AKAP4: variants seen among roughly 807,000 people sequenced by gnomAD.
AKAP4 encodes the protein A-kinase anchor protein 4.
In AKAP4, 4 loss-of-function variants were observed where a neutral mutation model predicts 42.6. The observed-to-expected ratio is 0.09, with a 90% CI of 0.05 to 0.22. The LOEUF is 0.22. AKAP4 is among the 10% of genes least tolerant of loss of function. AKAP4 has a pLI of 1.00. For synonymous variants in AKAP4, 223 were observed against 233.0 expected (o/e 0.96, Z 0.39); for missense variants, 551 against 630.7 (o/e 0.87, Z 1.35).
At chrX:50,194,715 C>T (rs1161206535) in intron 4 of AKAP4, among the ~76,000 whole-genome samples, 2 of 110,435 alleles carry the variant, frequency 1.8e-5, no homozygotes, top group Middle Eastern at 4.2e-3. Flanking sequence ...GTCAGTGTGT[C>T]TGTTGTGTGT....
At position 50,198,819 on chromosome X, in the gene AKAP4, A is replaced by G. The variant is rs1319264744; in HGVS notation, c.28-67T>C. 132 of 868,452 alleles carry G rather than the reference A, an allele frequency of 1.5e-4. 1 individual carries two copies. Among genetic ancestry groups the G allele is most frequent in the Non-Finnish European group, 1.1e-4 (69 of 610,274 alleles). The allele number at this position is 868,452 out of a possible 1,213,427, so 71.6% of individuals were successfully genotyped here. On this transcript the variant is annotated intron_variant, in intron 1 of 5. Transcript: ENST00000358526. ...GTTTTTGGAAACCGGGTCAATTTGG[A>G]TAAGAATCTCTGGAGGGGTTCTGAA...
At chrX:50,197,788 T>A (rs1557204509) in intron 2 of AKAP4, among the ~76,000 whole-genome samples, 194 bp from the exon 3 acceptor site, 2 of 111,876 alleles carry the variant, frequency 1.8e-5, no homozygotes, top group Non-Finnish European at 3.8e-5. Flanking sequence ...CTGTGATTAT[T>A]GTTAGGCAGA....
chrX:50,198,022 A>T (rs1207118842), intron 2 of AKAP4, among the ~76,000 whole-genome samples: 7 of 111,624 alleles, frequency 6.3e-5, no homozygotes, highest in Non-Finnish European at 1.3e-4. Flanking sequence ...AATTTATTTT[A>T]TTATCAATAA....
At position 50,200,875 on chromosome X, in the gene AKAP4, A is replaced by G. The variant is rs1557204799; in HGVS notation, c.15T>C (p.Ser5=). 2 of 1,208,562 alleles carry G rather than the reference A, an allele frequency of 1.7e-6. No homozygotes were observed. The change falls in exon 1 of 6, where the codon TCT becomes TCC. Residue 5 remains serine, a synonymous_variant. Transcript: ENST00000358526. MMAY[S]DTTMMSDDID... ...CAGATGTCCCTACCATTGTAGTATCAGAGTACGCCATCATGTAGGACCCTG... is the reference window on the plus strand; with the variant it reads ...CAGATGTCCCTACCATTGTAGTATCGGAGTACGCCATCATGTAGGACCCTG...
At chrX:50,196,752 T>C in intron 4 of AKAP4, 139 bp downstream of exon 4, 2 of 449,699 alleles carry the variant, frequency 4.4e-6, no homozygotes, top group Non-Finnish European at 7.7e-6. Flanking sequence ...CTTACGCCTG[T>C]GTTCTCTAGA....
At position 50,197,586 on chromosome X, in the gene AKAP4, A is replaced by G. The variant is rs1000664603; in HGVS notation, c.132T>C (p.Phe44=). Reference sequence around the variant, plus strand: ...CTACATTCAGGGTGGACACATCGACAAAGCATATCTGCATCAAATTAGAAG... The same window carrying G: ...CTACATTCAGGGTGGACACATCGACGAAGCATATCTGCATCAAATTAGAAG... ...QQDQDRKVIC[F]VDVSTLNVED... The change falls in exon 3 of 6, where the codon TTT becomes TTC. Residue 44 remains phenylalanine (F), a synonymous_variant. Transcript: ENST00000358526. 4 of 1,205,410 alleles carry G rather than the reference A, an allele frequency of 3.3e-6. No individual in the cohort carries two copies. Among genetic ancestry groups the G allele is most frequent in the Non-Finnish European group, 4.5e-6 (4 of 890,643 alleles).
intron 5 of AKAP4, among the ~76,000 whole-genome samples, chrX:50,191,949 G>C (rs1267761345): frequency 9.0e-6 from 1 of 111,288 alleles, no homozygotes; most frequent in East Asian, 2.8e-4. Flanking sequence ...AGGTAGGGAA[G>C]AACTCCATTT....
At position 50,194,443 on chromosome X, in the gene AKAP4, AAAG is replaced by A. The variant is rs1265446721; in HGVS notation, c.277-10_277-8del. 18 of 1,172,684 alleles carry A rather than the reference AAAG, an allele frequency of 1.5e-5. No homozygotes were observed. Among genetic ancestry groups the A allele is most frequent in the South Asian group, 1.5e-4 (8 of 52,197 alleles). ...GGCATACAGATCCCTCTGTCTAAAA[AAAG>A]AAGAAGACCTATCCATAAGAGTTTG... On this transcript the variant is annotated splice_polypyrimidine_tract_variant and splice_region_variant and intron_variant, in intron 4 of 5. Transcript: ENST00000358526.
Position 50,191,052 on chromosome X carries a change from C to T in AKAP4, c.2473G>A (p.Val825Ile), listed in dbSNP as rs1228794652. ...GYSVGGLLQE[V>I]MKFAKERQPD... ...TGCCGTTCCTTGGCAAACTTCATGA[C>T]CTCTTGAAGAAGACCTCCTACACTG... Residue 825 changes from valine (V) to isoleucine (I), a missense_variant, in exon 6 of 6, where the codon GTC (valine) becomes ATC (isoleucine). By Grantham distance (29) the Val-to-Ile change is conservative. Coordinates refer to ENST00000358526, the MANE Select transcript of AKAP4 (RefSeq NM_003886.3). 1.7e-6 allele frequency: 2 copies of T among 1,208,865 alleles called. No individual in the cohort carries two copies. Among genetic ancestry groups the T allele is most frequent in the African/African-American group, 3.5e-5 (2 of 56,920 alleles).
At position 50,198,788 on chromosome X, in the gene AKAP4, T is replaced by A. The variant is rs782695263; in HGVS notation, c.28-36A>T. 5.8e-4 allele frequency: 638 copies of A among 1,097,109 alleles called. 2 individuals carry two copies. Among genetic ancestry groups the A allele is most frequent in the Non-Finnish European group, 7.5e-4 (608 of 806,045 alleles). 90.4% of individuals were successfully genotyped at this position (1,097,109 alleles called of 1,213,427 possible). A position where few individuals can be genotyped will look rare whatever the true frequency, so the allele number is the denominator to read the frequency against. On this transcript the variant is annotated intron_variant, in intron 1 of 5. Coordinates refer to ENST00000358526, the MANE Select transcript of AKAP4 (RefSeq NM_003886.3). ...AAAGAAAAGAAAGCTGAAATGCTTA[T>A]ATATGGTTTTTGGAAACCGGGTCAA... is the stretch of plus-strand genomic sequence containing the variant.
chrX:50,198,503 G>C (rs1158302816), intron 2 of AKAP4, among the ~76,000 whole-genome samples, 154 bp downstream of exon 2: 1 of 110,580 alleles, frequency 9.0e-6, no homozygotes, highest in Non-Finnish European at 1.9e-5. Context: ...TCTGTGTGAT[G>C]TATGAGCATG....
chrX:50,198,437 C>T (rs2146964398), intron 2 of AKAP4, among the ~76,000 whole-genome samples: 1 of 110,233 alleles, frequency 9.1e-6, no homozygotes, highest in East Asian at 2.9e-4. Flanking sequence ...TCCCCAGCCT[C>T]CCCTCCCCAG....
Position 50,192,553 on chromosome X carries a change from G to A in AKAP4, c.2160C>T (p.Ala720=). The A allele has an allele frequency of 1.7e-6, 2 of 1,211,594 alleles. No homozygotes were observed. Among genetic ancestry groups the A allele is most frequent in the Non-Finnish European group, 1.1e-6 (1 of 895,494 alleles). The stretch of plus-strand genomic sequence containing the variant: ...CTGCTTGTTCTTCCAACTCAGCAAG[G>A]GCTGCCCCATCGTTGCTATACTTAG... ...IMAKYSNDGA[A]LAELEEQAAS... is the part of the protein sequence containing the mutation. Residue 720 remains alanine, a synonymous_variant, in exon 5 of 6, where the codon GCC becomes GCT. Transcript: ENST00000358526.
intron 2 of AKAP4, among the ~76,000 whole-genome samples, chrX:50,198,093 T>C (rs1299571423): frequency 3.6e-5 from 4 of 111,936 alleles, no homozygotes; most frequent in African/African-American, 6.5e-5. Context: ...TGAATTTTAT[T>C]GTGCATTAGG....
chrX:50,192,726 C>A lies in AKAP4; in HGVS notation c.1987G>T (p.Ala663Ser). Residue 663 changes from alanine (A) to serine (S), a missense_variant, in exon 5 of 6, where the codon GCA becomes TCA. By Grantham distance (99) the Ala-to-Ser change is moderately conservative. Transcript: ENST00000358526. ...NKCSEPRASK[A>S]ASMSNRSDKA... ...TCAGATCTGTTGGACATGGAAGCTG[C>A]TTTGCTTGCCCTGGGCTCAGAACAC... 1.7e-6 allele frequency: 2 copies of A among 1,212,039 alleles called. No individual in the cohort carries two copies. Among genetic ancestry groups the A allele is most frequent in the Non-Finnish European group, 1.1e-6 (1 of 895,614 alleles).
chrX:50,192,946 A>C lies in AKAP4; in HGVS notation c.1767T>G (p.Gly589=), dbSNP rs1243823928. The C allele has an allele frequency of 1.7e-6, 2 of 1,209,645 alleles. No homozygotes were observed. The highest frequency in any genetic ancestry group is 3.5e-5 in the African/African-American group (2 of 57,015). Residue 589 remains glycine (G), a synonymous_variant, in exon 5 of 6, where the codon GGT becomes GGG. Transcript: ENST00000358526. Reference sequence around the variant, plus strand: ...CTGAAAGTGCTTTGGCACTTTGGCCACCTCCACACTTTTCATATTGAGTAC... The same window carrying C: ...CTGAAAGTGCTTTGGCACTTTGGCCCCCTCCACACTTTTCATATTGAGTAC... The part of the protein sequence containing the change: ...AQSTQYEKCG[G]GQSAKALSVK...
At position 50,192,680 on chromosome X, in the gene AKAP4, T is replaced by C; in HGVS notation, c.2033A>G (p.Gln678Arg). The change falls in exon 5 of 6, where the codon CAG becomes CGG. Residue 678 changes from glutamine (Q) to arginine (R), a missense_variant. Physicochemically the swap from Gln to Arg is conservative, Grantham distance 43. Transcript: ENST00000358526. ...GGTACAGTCAAGTTCTTGATGCTCC[T>C]GGCATTGTTCTTCCGCTTTGTCAGA... Reference protein sequence around the residue: ...NRSDKAEEQCQEHQELDCTSG... With the variant: ...NRSDKAEEQCREHQELDCTSG... 8.3e-7 allele frequency: 1 copy of C among 1,212,039 alleles called. No individual in the cohort carries two copies. Among genetic ancestry groups the C allele is most frequent in the East Asian group, 3.0e-5 (1 of 33,849 alleles).
At chrX:50,194,676 T>C (rs1381462293) in intron 4 of AKAP4, among the ~76,000 whole-genome samples, 1 of 110,080 alleles carries the variant, frequency 9.1e-6, no homozygotes, top group Non-Finnish European at 1.9e-5. Flanking sequence ...CTCATATGAA[T>C]ATGTTGTATC....
chrX:50,194,509 G>A, intron 4 of AKAP4, 73 bp from the exon 5 acceptor site: 1 of 872,086 alleles, frequency 1.1e-6, no homozygotes, highest in Non-Finnish European at 1.6e-6. Context: ...TTTAGAAGAT[G>A]TATCAGATTA....
Sources: allele counts gnomAD v4.1 joint callset (sites outside exome capture counted in the v4.1 genomes callset), GRCh38; gene constraint gnomAD v4.1.1; transcripts MANE v1.5; gene names NCBI Gene and HGNC (gene_info 2026-07-23, HGNC 2026-07-21).